The following ANOS1 variants were observed in gnomAD, a reference collection of about 807,000 sequenced individuals.
ANOS1 encodes the protein anosmin-1.
ANOS1 carries 6 observed loss-of-function variants against 59.0 expected under a neutral mutation model. That is an observed-to-expected ratio of 0.10 (90% confidence interval 0.06 to 0.20). The LOEUF is 0.20. ANOS1 is among the 10% of genes least tolerant of loss of function. The pLI, the probability that ANOS1 is intolerant of heterozygous loss-of-function variation, is 1.00. For missense variants in ANOS1, 433 were observed against 542.3 expected (o/e 0.80, Z 2.00); for synonymous variants, 217 against 223.4 (o/e 0.97, Z 0.25).
At chrX:8,588,815 A>T (rs1930566737) in intron 4 of ANOS1, among the ~76,000 whole-genome samples, 1 of 112,533 alleles carries the variant, frequency 8.9e-6, no homozygotes, top group African/African-American at 3.2e-5. Context: ...TTTGTAAAGA[A>T]ATTTGTAATA....
rs924809294 is a variant in ANOS1, at chrX:8,612,930, T to C, written c.318+10678A>G. Reference sequence around the variant, plus strand: ...AGGAGCTTCTACTTCTTAGAGAAGATAAATATCAGAATTCTTTCTAAATTC... The same window carrying C: ...AGGAGCTTCTACTTCTTAGAGAAGACAAATATCAGAATTCTTTCTAAATTC... On this transcript the variant is annotated intron_variant, in intron 3 of 13. Coordinates refer to ENST00000262648, the MANE Select transcript of ANOS1 (RefSeq NM_000216.4). Among the ~76,000 whole-genome samples the C allele has an allele frequency of 5.4e-4, 60 of 111,811 alleles. 1 individual carries two copies. The highest frequency in any genetic ancestry group is 1.9e-3 in the African/African-American group (59 of 30,838).
intron 1 of ANOS1, among the ~76,000 whole-genome samples, chrX:8,730,816 G>A (rs1932967921): frequency 8.9e-6 from 1 of 112,656 alleles, no homozygotes; most frequent in Non-Finnish European, 1.9e-5. Flanking sequence ...AGAAAAATAA[G>A]CGGAGGATTT....
At chrX:8,716,785 T>C (rs1399351720) in intron 1 of ANOS1, among the ~76,000 whole-genome samples, 1 of 112,015 alleles carries the variant, frequency 8.9e-6, no homozygotes, top group South Asian at 3.7e-4. Flanking sequence ...CCCTTAGTGT[T>C]TCCTGAGAAC....
intron 1 of ANOS1, among the ~76,000 whole-genome samples, chrX:8,714,121 G>A (rs1473815084): frequency 8.9e-6 from 1 of 111,909 alleles, no homozygotes; most frequent in Non-Finnish European, 1.9e-5. Context: ...AGACCTCTCT[G>A]GCCTCTGCTG....
At chrX:8,629,990 A>C (rs1193496410) in intron 2 of ANOS1, among the ~76,000 whole-genome samples, 5 of 112,553 alleles carry the variant, frequency 4.4e-5, no homozygotes, top group Non-Finnish European at 9.4e-5. Flanking sequence ...TAATATTTCT[A>C]ATGTGCAAAG....
intron 6 of ANOS1, among the ~76,000 whole-genome samples, chrX:8,576,487 C>CAT (rs1555894660): frequency 6.8e-4 from 68 of 100,096 alleles, no homozygotes; most frequent in South Asian, 2.1e-3. Context: ...CACACACACA[C>CAT]ACATACACAC....
At chrX:8,719,888 C>T (rs1043401925) in intron 1 of ANOS1, among the ~76,000 whole-genome samples, 1 of 110,516 alleles carries the variant, frequency 9.0e-6, no homozygotes, top group African/African-American at 3.3e-5. Context: ...GAATTAAGAG[C>T]CTTGATTAGT....
intron 3 of ANOS1, among the ~76,000 whole-genome samples, chrX:8,609,804 G>A (rs1330471590): frequency 5.5e-5 from 6 of 108,984 alleles, no homozygotes; most frequent in African/African-American, 2.0e-4. Context: ...TCAGGAGATC[G>A]AGACCATCCT....
At chrX:8,665,114 G>C (rs1399280622) in intron 2 of ANOS1, among the ~76,000 whole-genome samples, 2 of 111,734 alleles carry the variant, frequency 1.8e-5, no homozygotes, top group African/African-American at 3.3e-5. Context: ...CGTGCTCCCA[G>C]AATGACAGGC....
intron 4 of ANOS1, among the ~76,000 whole-genome samples, chrX:8,593,779 T>A (rs1930660991): frequency 9.0e-6 from 1 of 111,027 alleles, no homozygotes; most frequent in South Asian, 3.9e-4. Context: ...GCTCAAATGA[T>A]CCTCCCACCT....
intron 1 of ANOS1, among the ~76,000 whole-genome samples, chrX:8,707,926 G>C (rs192703996): frequency 1.1e-4 from 12 of 112,435 alleles, no homozygotes; most frequent in Non-Finnish European, 2.1e-4. Flanking sequence ...TTTTCCACCT[G>C]TACTTTTAAA....
rs984209750 is a variant in ANOS1, at chrX:8,731,075, T to C, written c.207+755A>G. On this transcript the variant is annotated intron_variant, in intron 1 of 13. Transcript: ENST00000262648. ...AGGCTGAAAGAACCTACGTTCGGGG[T>C]TTGGGGGACGGTTCCCCCGGGACTC... Among the ~76,000 whole-genome samples, 4 of 112,028 alleles carry C rather than the reference T, an allele frequency of 3.6e-5. No homozygotes were observed. In the South Asian group the frequency reaches 1.5e-3, roughly 42 times the overall value.
At chrX:8,685,218 A>C (rs1932489193) in intron 2 of ANOS1, among the ~76,000 whole-genome samples, 1 of 111,232 alleles carries the variant, frequency 9.0e-6, no homozygotes, top group Non-Finnish European at 1.9e-5. Context: ...ACCTGTCATC[A>C]CACAGGAATA....
At position 8,581,293 on chromosome X, in the gene ANOS1, T is replaced by C. The variant is rs192676300; in HGVS notation, c.856+3974A>G. On this transcript the variant is annotated intron_variant, in intron 6 of 13. Transcript: ENST00000262648. The stretch of plus-strand genomic sequence containing the variant: ...ATCAGGGGTTTCTGCTTTTGCTTCT[T>C]CCTCATTTTCTCTTGCTGCCACCAT... Among the ~76,000 whole-genome samples, 524 of 111,477 alleles carry C rather than the reference T, an allele frequency of 4.7e-3. 3 individuals carry two copies. The highest frequency in any genetic ancestry group is 0.022 in the South Asian group (58 of 2,638).
rs927737663 is a variant in ANOS1 at position 8,532,402 on chromosome X, A to G, written c.*593T>C. ...AGGGAACTTTGATTTACCTTTGCAT[A>G]AAGAGCAGCACAAGGTACTTAAAGT... On this transcript the variant is annotated 3_prime_UTR_variant, in exon 14 of 14. Transcript: ENST00000262648. The G allele has an allele frequency of 2.7e-5, 3 of 111,605 alleles. No individual in the cohort carries two copies. Among genetic ancestry groups the G allele is most frequent in the African/African-American group, 9.8e-5 (3 of 30,725 alleles). 9.2% of individuals were successfully genotyped at this position (111,605 alleles called of 1,213,427 possible).
At chrX:8,552,059 AAAAAAG>A (rs1253458466) in intron 9 of ANOS1, among the ~76,000 whole-genome samples, 1 of 112,497 alleles carries the variant, frequency 8.9e-6, no homozygotes. Flanking sequence ...AGAGTCCTTC[AAAAAAG>A]AGAAATCCAA....
chrX:8,689,190 G>A (rs780659945), intron 2 of ANOS1, among the ~76,000 whole-genome samples: 7 of 111,966 alleles, frequency 6.3e-5, no homozygotes, highest in Admixed American at 9.5e-5. Context: ...ATGGTGTTTT[G>A]AAACTAGTTG....
chrX:8,563,902 G>A (rs1930070642), intron 8 of ANOS1, among the ~76,000 whole-genome samples: 1 of 112,053 alleles, frequency 8.9e-6, no homozygotes, highest in African/African-American at 3.2e-5. Context: ...AGCTTTGTAA[G>A]TGGAGGGAGT....
At chrX:8,622,576 C>T (rs1931311666) in intron 3 of ANOS1, among the ~76,000 whole-genome samples, 1 of 111,768 alleles carries the variant, frequency 8.9e-6, no homozygotes, top group South Asian at 3.7e-4. Context: ...ATGTCGGGGG[C>T]ACCTCTTCTG....
Sources: allele counts gnomAD v4.1 joint callset (sites outside exome capture counted in the v4.1 genomes callset), GRCh38; gene constraint gnomAD v4.1.1; transcripts MANE v1.5; gene names NCBI Gene and HGNC (gene_info 2026-07-23, HGNC 2026-07-21).